Variants in GFOD2 observed in about 807,000 individuals in gnomAD.
The protein encoded by GFOD2 is glucose-fructose oxidoreductase domain-containing protein 2.
A neutral mutation model predicts 24.6 loss-of-function variants in GFOD2; 9 were observed. That is an observed-to-expected ratio of 0.37 (90% CI 0.22 to 0.64). The LOEUF is 0.64. Among genes scored for constraint, GFOD2 ranks in the 30% least tolerant of loss-of-function variants. The pLI is 0.65. For missense variants in GFOD2, 476 were observed against 532.5 expected (o/e 0.89, Z 1.04); for synonymous variants, 211 against 224.8 (o/e 0.94, Z 0.55).
intron 1 of GFOD2, among the ~76,000 whole-genome samples, chr16:67,712,419 G>C (rs1206539784): frequency 8.5e-5 from 12 of 141,764 alleles, no homozygotes; most frequent in Non-Finnish European, 1.8e-4. Context: ...CCGAGTGCCT[G>C]CGATTGCAGG....
Position 67,678,329 on chromosome 16 carries a change from C to T in GFOD2, c.260-2276G>A, listed in dbSNP as rs541071374. The stretch of plus-strand genomic sequence containing the variant: ...CCGTCTCTACTAAAAATACAAAATT[C>T]GCTGGGCGTGGTGGCACATGCCTGT... On this transcript the variant is annotated intron_variant, in intron 2 of 2. Transcript: ENST00000268797. Among the ~76,000 whole-genome samples, 50 of 152,020 alleles carry T rather than the reference C, an allele frequency of 3.3e-4. No individual in the cohort carries two copies. The Middle Eastern group carries it at 0.017, about 52-fold the overall frequency.
chr16:67,683,964 T>C (rs923643529), intron 2 of GFOD2: 9 of 967,354 alleles, frequency 9.3e-6, no homozygotes, highest in Non-Finnish European at 1.1e-5. Flanking sequence ...GTGTTATTTC[T>C]AGTTGCCTCA....
intron 1 of GFOD2, among the ~76,000 whole-genome samples, chr16:67,693,283 G>T (rs577019017): frequency 3.8e-4 from 57 of 149,292 alleles, no homozygotes; most frequent in Middle Eastern, 3.6e-3. Context: ...CTGGCTTTTT[G>T]GGTTTTTTTT....
In GFOD2 at chr16:67,674,825, T is replaced by C. The variant is rs1415220543; in HGVS notation, c.*330A>G. On this transcript the variant is annotated 3_prime_UTR_variant, in exon 3 of 3. Coordinates refer to ENST00000268797, the MANE Select transcript of GFOD2 (RefSeq NM_030819.4). ...AGCCGAGCTGGCCCCTCTTGTGCTT[T>C]CTCACCCTGTTAGGACTGCGGATCA... 2 of 276,142 alleles carry C rather than the reference T, an allele frequency of 7.2e-6. No individual in the cohort carries two copies. The highest frequency in any genetic ancestry group is 4.4e-5 in the African/African-American group (2 of 45,794). The allele number at this position is 276,142 out of a possible 1,614,324, so 17.1% of individuals were successfully genotyped here.
At chr16:67,702,649 G>A (rs1009546059) in intron 1 of GFOD2, among the ~76,000 whole-genome samples, 1 of 145,534 alleles carries the variant, frequency 6.9e-6, no homozygotes, top group Non-Finnish European at 1.5e-5. Flanking sequence ...GCCCAGTCTG[G>A]AGCACAGTGG....
intron 1 of GFOD2, among the ~76,000 whole-genome samples, chr16:67,692,978 C>T (rs950232924): frequency 2.7e-5 from 4 of 149,842 alleles, no homozygotes; most frequent in African/African-American, 4.9e-5. Context: ...TGCAGTGAGC[C>T]GAGATTGCGC....
intron 2 of GFOD2, among the ~76,000 whole-genome samples, chr16:67,678,330 G>A (rs1385852628): frequency 2.0e-5 from 3 of 152,062 alleles, no homozygotes; most frequent in Admixed American, 6.6e-5. Flanking sequence ...TACAAAATTC[G>A]CTGGGCGTGG....
At chr16:67,677,065 G>A (rs952261688) in intron 2 of GFOD2, 1 of 152,128 alleles carries the variant, frequency 6.6e-6, no homozygotes, top group Admixed American at 6.5e-5. Flanking sequence ...ACAAGTCATA[G>A]TAAGCCAGAA....
chr16:67,688,702 T>A (rs1251317731), intron 1 of GFOD2, among the ~76,000 whole-genome samples: 2 of 151,704 alleles, frequency 1.3e-5, no homozygotes, highest in African/African-American at 2.4e-5. Context: ...AATGTTATTT[T>A]AAAAATTGTA....
In GFOD2 at chr16:67,675,684, G is replaced by A; in HGVS notation, c.629C>T (p.Ala210Val). Residue 210 changes from alanine (A) to valine (V), a missense_variant, in exon 3 of 3, where the codon GCC becomes GTC. Ala to Val is a moderately conservative substitution (Grantham distance 64). Transcript: ENST00000268797. ...LLKTFVRQNAAIRGIRHVTSD... is the reference protein window; with the variant it reads ...LLKTFVRQNAVIRGIRHVTSD... Reference sequence around the variant, plus strand: ...AGTGACGTGCCGGATGCCACGGATGGCAGCGTTCTGCCTCACGAATGTCTT... The same window carrying A: ...AGTGACGTGCCGGATGCCACGGATGACAGCGTTCTGCCTCACGAATGTCTT... 1 of 1,613,772 alleles carries A rather than the reference G, an allele frequency of 6.2e-7. No homozygotes were observed. The highest frequency in any genetic ancestry group is 8.5e-7 in the Non-Finnish European group (1 of 1,180,030).
rs190402549 is a variant in GFOD2, at chr16:67,675,650, G to A, written c.663C>T (p.Asp221=). Residue 221 remains aspartate (D), a synonymous_variant, in exon 3 of 3, where the codon GAC becomes GAT. Transcript: ENST00000268797. The part of the protein sequence containing the change: ...IRGIRHVTSD[D]FCFFQMLMGG... Reference sequence around the variant, plus strand: ...CCATGAGCATCTGGAAGAAACAGAAGTCATCGCTAGTGACGTGCCGGATGC... The same window carrying A: ...CCATGAGCATCTGGAAGAAACAGAAATCATCGCTAGTGACGTGCCGGATGC... 1 of 1,613,266 alleles carries A rather than the reference G, an allele frequency of 6.2e-7. No homozygotes were observed. Among genetic ancestry groups the A allele is most frequent in the African/African-American group, 1.3e-5 (1 of 75,074 alleles).
At position 67,685,532 on chromosome 16, in the gene GFOD2, G is replaced by A. The variant is rs531228845; in HGVS notation, c.184C>T (p.Leu62=). ...CACACCAGATCCACATCTTGATGCA[G>A]CAAGATGTCATCAGTCCGGCTGGTG... The part of the protein sequence containing the change: ...FYTSRTDDIL[L]HQDVDLVCIS... Residue 62 remains leucine (L), a synonymous_variant, in exon 2 of 3, where the codon CTG becomes TTG. Coordinates refer to ENST00000268797, the MANE Select transcript of GFOD2 (RefSeq NM_030819.4). 5.0e-6 allele frequency: 8 copies of A among 1,613,956 alleles called. No homozygotes were observed. In the East Asian group the frequency reaches 1.8e-4, roughly 36 times the overall value.
intron 1 of GFOD2, among the ~76,000 whole-genome samples, chr16:67,710,466 G>A (rs372142405): frequency 6.6e-6 from 1 of 151,048 alleles, no homozygotes; most frequent in Non-Finnish European, 1.5e-5. Flanking sequence ...CCGGGTTCAC[G>A]CCATTCTCCT....
intron 2 of GFOD2, chr16:67,683,879 A>G (rs914716455): frequency 2.6e-6 from 3 of 1,174,530 alleles, no homozygotes; most frequent in Admixed American, 4.6e-5. Flanking sequence ...TACCTCACAT[A>G]AAACAGTTAC....
At chr16:67,699,250 C>G (rs1238569881) in intron 1 of GFOD2, among the ~76,000 whole-genome samples, 2 of 151,942 alleles carry the variant, frequency 1.3e-5, no homozygotes, top group Non-Finnish European at 2.9e-5. Flanking sequence ...GCTGAGGCAG[C>G]AGAATCGCTG....
At chr16:67,713,716 C>T (rs1393143290) in intron 1 of GFOD2, among the ~76,000 whole-genome samples, 1 of 152,188 alleles carries the variant, frequency 6.6e-6, no homozygotes, top group African/African-American at 2.4e-5. Context: ...CATGCCCTCC[C>T]TGTGTTTATG....
chr16:67,691,508 A>ACT (rs2053312968), intron 1 of GFOD2, among the ~76,000 whole-genome samples: 4 of 114,378 alleles, frequency 3.5e-5, no homozygotes, highest in African/African-American at 1.2e-4. Context: ...CTGTGCCTAG[A>ACT]CCCCCCCCCA....
chr16:67,692,155 G>C (rs2053318683), intron 1 of GFOD2, among the ~76,000 whole-genome samples: 1 of 151,406 alleles, frequency 6.6e-6, no homozygotes. Context: ...TAAAGTGTGG[G>C]GGATATACCC....
At chr16:67,702,661 A>G (rs2142996615) in intron 1 of GFOD2, among the ~76,000 whole-genome samples, 1 of 141,268 alleles carries the variant, frequency 7.1e-6, no homozygotes, top group East Asian at 2.2e-4. Flanking sequence ...GCACAGTGGC[A>G]CAATCTGAGC....
Sources: allele counts gnomAD v4.1 joint callset (sites outside exome capture counted in the v4.1 genomes callset), GRCh38; gene constraint gnomAD v4.1.1; transcripts MANE v1.5; gene names NCBI Gene and HGNC (gene_info 2026-07-23, HGNC 2026-07-21).